Variants in DLGAP2 observed in about 807,000 individuals in gnomAD.
DLGAP2 encodes disks large-associated protein 2.
In DLGAP2, 26 loss-of-function variants were observed where a neutral mutation model predicts 100.3. The ratio of observed to expected loss-of-function variants is 0.26; its 90% CI spans 0.19 to 0.36. The LOEUF (loss-of-function observed/expected upper bound fraction) is 0.36, where lower values mean the gene tolerates loss of function less well. Ranked by LOEUF, DLGAP2 falls within the 10% of genes least tolerant of loss-of-function variation. DLGAP2 has a pLI of 1.00. For missense variants in DLGAP2, 1,858 were observed against 1,453.2 expected, an observed-to-expected ratio of 1.28 and a Z score of -4.53; for synonymous variants, 886 against 630.1, an observed-to-expected ratio of 1.41 and a Z score of -6.08.
intron 5 of DLGAP2, among the ~76,000 whole-genome samples, chr8:1,561,238 C>T (rs939620725): frequency 7.7e-6 from 1 of 129,732 alleles, no homozygotes; most frequent in African/African-American, 2.6e-5. Context: ...GTCAGTTAAA[C>T]CTCTTTCCTT....
intron 2 of DLGAP2, among the ~76,000 whole-genome samples, chr8:1,008,167 A>G (rs1383714240): frequency 1.3e-5 from 2 of 152,230 alleles, no homozygotes; most frequent in Non-Finnish European, 2.9e-5. Flanking sequence ...GAAATCAGGA[A>G]CTAGTTGAAA....
intron 3 of DLGAP2, among the ~76,000 whole-genome samples, chr8:1,319,276 C>T (rs1031443764): frequency 6.6e-6 from 1 of 152,192 alleles, no homozygotes; most frequent in Non-Finnish European, 1.5e-5. Context: ...ACCGCCTCTG[C>T]CACAATGTGT....
intron 10 of DLGAP2, among the ~76,000 whole-genome samples, chr8:1,674,096 C>T (rs1341400638): frequency 6.6e-6 from 1 of 152,152 alleles, no homozygotes; most frequent in East Asian, 1.9e-4. Flanking sequence ...CTTTATTGCC[C>T]AGGATGTAGT....
At chr8:1,500,559 GC>G (rs1799686680) in intron 3 of DLGAP2, among the ~76,000 whole-genome samples, 1 of 152,280 alleles carries the variant, frequency 6.6e-6, no homozygotes, top group Non-Finnish European at 1.5e-5. Flanking sequence ...GGTTTCCTGG[GC>G]AGAGCCCACT....
intron 2 of DLGAP2, among the ~76,000 whole-genome samples, chr8:1,210,384 G>T (rs930147247): frequency 6.6e-6 from 1 of 152,214 alleles, no homozygotes; most frequent in Non-Finnish European, 1.5e-5. Context: ...GCAGCCTGCA[G>T]CAGGGGAACT....
At chr8:1,089,330 A>C (rs1200086888) in intron 2 of DLGAP2, among the ~76,000 whole-genome samples, 1 of 152,220 alleles carries the variant, frequency 6.6e-6, no homozygotes, top group Non-Finnish European at 1.5e-5. Flanking sequence ...CACAATATGA[A>C]AACAAATGTC....
intron 2 of DLGAP2, among the ~76,000 whole-genome samples, chr8:974,746 G>A (rs79452625): frequency 0.026 from 3,951 of 152,086 alleles, 174 homozygotes; most frequent in African/African-American, 0.089. Context: ...ATACCAAAAA[G>A]GCCAGATTAA....
At chr8:1,678,147 G>T in intron 11 of DLGAP2, 67 bp from the exon 12 acceptor site, 1 of 1,533,810 alleles carries the variant, frequency 6.5e-7, no homozygotes, top group Non-Finnish European at 8.8e-7. Flanking sequence ...CAGGCGACAT[G>T]TAGGACTTTG....
chr8:1,114,337 T>C (rs1355353911), intron 2 of DLGAP2, among the ~76,000 whole-genome samples: 1 of 152,160 alleles, frequency 6.6e-6, no homozygotes, highest in African/African-American at 2.4e-5. Context: ...TGGGCTTTTT[T>C]TTGGTTGATA....
chr8:1,004,947 C>T (rs570439904), intron 2 of DLGAP2, among the ~76,000 whole-genome samples: 1 of 152,312 alleles, frequency 6.6e-6, no homozygotes, highest in African/African-American at 2.4e-5. Context: ...GGCTGCGTGG[C>T]AGCAGGGATG....
In DLGAP2 at chr8:1,021,934, C is replaced by T. The variant is rs548993986; in HGVS notation, c.73+113968C>T. 1.2e-4 allele frequency among the ~76,000 whole-genome samples: 18 copies of T among 152,296 alleles called. No homozygotes were observed. In the South Asian group the frequency reaches 3.7e-3, roughly 32 times the overall value. ...CCCACTTCCTGGGAGCATCTTCTCT[C>T]TTGATGTTAGCGCCAGTATTAGGAA... On this transcript the variant is annotated intron_variant, in intron 2 of 14. Coordinates refer to ENST00000637795, the MANE Select transcript of DLGAP2 (RefSeq NM_001346810.2).
chr8:917,854 C>T (rs541981448), intron 2 of DLGAP2, among the ~76,000 whole-genome samples: 2 of 152,296 alleles, frequency 1.3e-5, no homozygotes, highest in East Asian at 1.9e-4. Flanking sequence ...GCTGGGATTA[C>T]AGGCGTGAGC....
intron 2 of DLGAP2, among the ~76,000 whole-genome samples, chr8:981,847 T>C (rs879381458): frequency 1.3e-5 from 2 of 152,250 alleles, no homozygotes; most frequent in Non-Finnish European, 2.9e-5. Flanking sequence ...TGAAACTATT[T>C]GCTCTTGTTC....
At chr8:1,314,026 T>G (rs932608894) in intron 3 of DLGAP2, among the ~76,000 whole-genome samples, 3 of 152,186 alleles carry the variant, frequency 2.0e-5, no homozygotes, top group African/African-American at 7.2e-5. Context: ...ACGTGTTTAT[T>G]TGCTTTAGAA....
At chr8:1,007,982 G>A (rs1371127627) in intron 2 of DLGAP2, among the ~76,000 whole-genome samples, 2 of 152,300 alleles carry the variant, frequency 1.3e-5, no homozygotes, top group Non-Finnish European at 1.5e-5. Context: ...AAGGGGATGT[G>A]TTCTTTTCCT....
chr8:1,534,422 C>A (rs1013088329), intron 4 of DLGAP2, among the ~76,000 whole-genome samples: 3 of 152,140 alleles, frequency 2.0e-5, no homozygotes, highest in Non-Finnish European at 1.5e-5. Context: ...CTTATTTTGC[C>A]TATAAATAAG....
Position 1,703,095 on chromosome 8 carries a change from T to C in DLGAP2, c.*1689T>C, listed in dbSNP as rs1370038500. 1.3e-5 allele frequency: 2 copies of C among 152,686 alleles called. No individual in the cohort carries two copies. Among genetic ancestry groups the C allele is most frequent in the African/African-American group, 4.8e-5 (2 of 41,466 alleles). 9.5% of individuals were successfully genotyped at this position (152,686 alleles called of 1,614,324 possible). ...CCCTGCCTCATTCCCCACATCCCACTGAGCATGGGACCATTGGGAGCAGAG... is the reference window on the plus strand; with the variant it reads ...CCCTGCCTCATTCCCCACATCCCACCGAGCATGGGACCATTGGGAGCAGAG... On this transcript the variant is annotated 3_prime_UTR_variant, in exon 15 of 15. Transcript: ENST00000637795.
At chr8:1,098,858 C>T (rs1804488225) in intron 2 of DLGAP2, among the ~76,000 whole-genome samples, 1 of 152,040 alleles carries the variant, frequency 6.6e-6, no homozygotes, top group South Asian at 2.1e-4. Context: ...CACCAGGGTC[C>T]CGGTAGGGCC....
At chr8:771,812 A>G (rs1167660338) in intron 1 of DLGAP2, among the ~76,000 whole-genome samples, 2 of 152,242 alleles carry the variant, frequency 1.3e-5, no homozygotes, top group Non-Finnish European at 2.9e-5. Context: ...TGGCACATAT[A>G]GAATAAACAA....
Sources: gnomAD v4.1 joint callset for allele counts (sites outside exome capture counted in the v4.1 genomes callset) on GRCh38, gnomAD v4.1.1 for gene constraint, MANE v1.5 for transcripts, NCBI Gene and HGNC (gene_info 2026-07-23, HGNC 2026-07-21) for gene names.